Variants in DPYD observed in about 807,000 individuals in gnomAD.
The protein encoded by DPYD is dihydropyrimidine dehydrogenase.
In DPYD, 109 loss-of-function variants were observed where a neutral mutation model predicts 116.2. The ratio of observed to expected loss-of-function variants is 0.94; its 90% CI spans 0.80 to 1.10. The LOEUF (loss-of-function observed/expected upper bound fraction) is 1.10. Ranked by LOEUF, DPYD falls within the 50% of genes least tolerant of loss-of-function variation. The pLI is 0.00. For missense variants in DPYD, 1,302 were observed against 1,254.5 expected, an observed-to-expected ratio of 1.04 and a Z score of -0.57; for synonymous variants, 440 against 432.0, an observed-to-expected ratio of 1.02 and a Z score of -0.23.
intron 3 of DPYD, among the ~76,000 whole-genome samples, chr1:97,809,724 A>C (rs1189594852): frequency 1.3e-5 from 2 of 152,286 alleles, no homozygotes; most frequent in East Asian, 3.9e-4. Context: ...TAACTGTGAG[A>C]GTAGGTGACT....
intron 13 of DPYD, among the ~76,000 whole-genome samples, chr1:97,479,993 T>C (rs1328840615): frequency 6.6e-6 from 1 of 152,190 alleles, no homozygotes; most frequent in African/African-American, 2.4e-5. Context: ...CTGGGAAACT[T>C]TTTTTCCCTA....
intron 18 of DPYD, among the ~76,000 whole-genome samples, chr1:97,265,136 T>C (rs1664148593): frequency 6.6e-6 from 1 of 152,172 alleles, no homozygotes; most frequent in South Asian, 2.1e-4. Context: ...GCCTCACTGA[T>C]ACTTGTTGTT....
intron 3 of DPYD, among the ~76,000 whole-genome samples, chr1:97,761,934 T>C (rs1665596680): frequency 6.6e-6 from 1 of 152,122 alleles, no homozygotes; most frequent in Non-Finnish European, 1.5e-5. Context: ...ATGCTATCAC[T>C]TATAAGTGTG....
chr1:97,725,366 A>G (rs1049098719), intron 4 of DPYD, among the ~76,000 whole-genome samples: 1 of 151,566 alleles, frequency 6.6e-6, no homozygotes, highest in Non-Finnish European at 1.5e-5. Context: ...AATTATTGGG[A>G]TGGTGATACT....
chr1:97,346,586 T>G (rs1485218345), intron 16 of DPYD, among the ~76,000 whole-genome samples: 2 of 151,896 alleles, frequency 1.3e-5, no homozygotes, highest in African/African-American at 2.4e-5. Context: ...AAGGCATTTT[T>G]CTATACTGTT....
intron 11 of DPYD, among the ~76,000 whole-genome samples, chr1:97,559,642 CTTT>C (rs142860494): frequency 5.4e-5 from 8 of 147,868 alleles, no homozygotes; most frequent in African/African-American, 1.7e-4. Flanking sequence ...CATCTTACGG[CTTT>C]TTTTTTTCCT....
At position 97,583,174 on chromosome 1, in the gene DPYD, T is replaced by C. The variant is rs143737071; in HGVS notation, c.1129-9204A>G. On this transcript the variant is annotated intron_variant, in intron 10 of 22. Transcript: ENST00000370192. ...TTAGTAGAGACGGGGTTTCACTGTG[T>C]TAGCCAGGATGGTCTCGAGCTCCTG... 8.0e-3 allele frequency among the ~76,000 whole-genome samples: 1,220 copies of C among 152,242 alleles called. 15 individuals are homozygous for C. Among genetic ancestry groups the C allele is most frequent in the African/African-American group, 0.028 (1,148 of 41,534 alleles).
chr1:97,529,528 G>C (rs1189493296), intron 12 of DPYD, among the ~76,000 whole-genome samples: 1 of 152,020 alleles, frequency 6.6e-6, no homozygotes, highest in African/African-American at 2.4e-5. Flanking sequence ...CATAATTAAT[G>C]TATAAAAGTC....
chr1:97,558,471 T>C (rs1183162729), intron 11 of DPYD, among the ~76,000 whole-genome samples: 1 of 152,194 alleles, frequency 6.6e-6, no homozygotes, highest in Admixed American at 6.5e-5. Context: ...AGAAAAAGTA[T>C]TTCTACACTG....
intron 3 of DPYD, among the ~76,000 whole-genome samples, chr1:97,800,013 C>T (rs908318410): frequency 1.3e-5 from 2 of 151,774 alleles, no homozygotes; most frequent in Non-Finnish European, 2.9e-5. Context: ...AGTCCTTTAG[C>T]GAAGGCACAA....
intron 20 of DPYD, among the ~76,000 whole-genome samples, chr1:97,100,939 C>T (rs1650636863): frequency 6.6e-6 from 1 of 151,996 alleles, no homozygotes; most frequent in South Asian, 2.1e-4. Flanking sequence ...CTTCCCCTGG[C>T]TAACATGCTA....
At chr1:97,822,544 T>G (rs143264500) in intron 3 of DPYD, among the ~76,000 whole-genome samples, 1 of 151,902 alleles carries the variant, frequency 6.6e-6, no homozygotes, top group Non-Finnish European at 1.5e-5. Context: ...ATTCATATTA[T>G]GCATAATTTC....
At chr1:97,460,683 G>A (rs980217578) in intron 13 of DPYD, among the ~76,000 whole-genome samples, 32 of 152,092 alleles carry the variant, frequency 2.1e-4, no homozygotes, top group Admixed American at 2.0e-3. Flanking sequence ...CTGAAGAAAT[G>A]TCATTGTCCT....
chr1:97,627,246 T>A (rs1262466650), intron 8 of DPYD, among the ~76,000 whole-genome samples: 2 of 152,078 alleles, frequency 1.3e-5, no homozygotes, highest in African/African-American at 4.8e-5. Flanking sequence ...GAGATGCAGA[T>A]CCAGGATTTG....
chr1:97,431,276 A>G (rs1268033759), intron 14 of DPYD, among the ~76,000 whole-genome samples: 1 of 152,174 alleles, frequency 6.6e-6, no homozygotes, highest in African/African-American at 2.4e-5. Context: ...TAAAAAGAAA[A>G]AAAATGAACA....
At chr1:97,256,693 C>A (rs186073530) in intron 18 of DPYD, among the ~76,000 whole-genome samples, 131 of 152,164 alleles carry the variant, frequency 8.6e-4, no homozygotes, top group African/African-American at 3.1e-3. Context: ...TGAGAACAGA[C>A]TAATACACTT....
rs1456190988 is a variant in DPYD at position 97,549,596 on chromosome 1, T to C, written c.1488A>G (p.Gly496=). ...ANTTVESVND[G]KQASWYIHKY... ...TGTGAATGTACCAAGAAGCTTGCTT[T>C]CCATCATTCACCGATTCCACTGTAG... The change falls in exon 12 of 23, where the codon GGA becomes GGG. Residue 496 remains glycine, a synonymous_variant. Coordinates refer to ENST00000370192, the MANE Select transcript of DPYD (RefSeq NM_000110.4). 2 of 1,613,744 alleles carry C rather than the reference T, an allele frequency of 1.2e-6. No homozygotes were observed. Among genetic ancestry groups the C allele is most frequent in the African/African-American group, 2.7e-5 (2 of 74,918 alleles).
intron 5 of DPYD, among the ~76,000 whole-genome samples, chr1:97,713,501 A>T (rs1339786538): frequency 6.6e-6 from 1 of 152,238 alleles, no homozygotes; most frequent in East Asian, 1.9e-4. Context: ...CCACAGTTCT[A>T]TTATAAATCA....
intron 2 of DPYD, among the ~76,000 whole-genome samples, chr1:97,838,335 A>T (rs1669870539): frequency 6.6e-6 from 1 of 152,226 alleles, no homozygotes; most frequent in Non-Finnish European, 1.5e-5. Flanking sequence ...ATATAATAGC[A>T]ACGGTATGTG....
Sources: gnomAD v4.1 joint callset for allele counts (sites outside exome capture counted in the v4.1 genomes callset) on GRCh38, gnomAD v4.1.1 for gene constraint, MANE v1.5 for transcripts, NCBI Gene and HGNC (gene_info 2026-07-23, HGNC 2026-07-21) for gene names.